Variants in LRRIQ1 observed in about 807,000 individuals in gnomAD.
LRRIQ1 encodes the protein leucine rich repeats and IQ motif containing 1, also known as leucine-rich repeat- and IQ domain-containing protein 1.
A neutral mutation model predicts 211.9 loss-of-function variants in LRRIQ1; 210 were observed. That is an observed-to-expected ratio of 0.99 (90% confidence interval 0.89 to 1.11). The LOEUF is 1.11. Among genes scored for constraint, LRRIQ1 ranks in the 50% most tolerant of loss-of-function variants. The pLI is 0.00. For missense variants in LRRIQ1, 2,136 were observed against 1,939.5 expected (o/e 1.10, Z -1.90); for synonymous variants, 699 against 650.1 (o/e 1.08, Z -1.14).
At chr12:85,081,648 A>G (rs1472336812) in intron 11 of LRRIQ1, among the ~76,000 whole-genome samples, 2 of 151,672 alleles carry the variant, frequency 1.3e-5, no homozygotes, top group East Asian at 3.9e-4. Context: ...CAAGGAAAAC[A>G]TAATGATTAT....
At chr12:85,121,899 G>C in intron 16 of LRRIQ1, 23 bp downstream of exon 16, 4 of 1,519,856 alleles carry the variant, frequency 2.6e-6, no homozygotes, top group Non-Finnish European at 3.6e-6. Context: ...TCTTCCCATT[G>C]ATGTATTTAG....
intron 15 of LRRIQ1, among the ~76,000 whole-genome samples, chr12:85,108,433 T>C (rs1398516126): frequency 6.6e-6 from 1 of 152,186 alleles, no homozygotes; most frequent in Non-Finnish European, 1.5e-5. Flanking sequence ...CGGTCTTCTA[T>C]GTATTCTTTT....
Position 85,127,955 on chromosome 12 carries a change from GACTATTTTA to G in LRRIQ1, c.4133_4141del (p.Thr1378_Leu1380del). The G allele has an allele frequency of 1.2e-6, 2 of 1,613,690 alleles. No individual in the cohort carries two copies. The highest frequency in any genetic ancestry group is 1.7e-6 in the Non-Finnish European group (2 of 1,179,756). On this transcript the variant is annotated inframe_deletion, in exon 18 of 27. Transcript: ENST00000393217. ...TGCCAAATTCTTCCATCAAGAATCAGACTATTTTAAAGAAAGGAAAAAGAGAAAATATTG... is the reference window on the plus strand; with the variant it reads ...TGCCAAATTCTTCCATCAAGAATCAGAAGAAAGGAAAAAGAGAAAATATTG...
At chr12:85,263,063 C>T (rs1235523140) in exon 2 of LRRIQ1, 2 of 987,898 alleles carry the variant, frequency 2.0e-6, no homozygotes, top group Non-Finnish European at 2.4e-6. Flanking sequence ...CCAACTAATC[C>T]TTAAGGCTTC....
At chr12:85,212,785 T>TAG (rs1231167317) in intron 24 of LRRIQ1, among the ~76,000 whole-genome samples, 2 of 148,438 alleles carry the variant, frequency 1.3e-5, no homozygotes, top group East Asian at 2.0e-4. Flanking sequence ...TTTATATATA[T>TAG]ATAGAGAGAG....
At position 85,124,170 on chromosome 12, in the gene LRRIQ1, G is replaced by T; in HGVS notation, c.3658G>T (p.Val1220Leu). Residue 1220 changes from valine to leucine, a missense_variant, in exon 17 of 27, where the codon GTA becomes TTA. Val to Leu is a conservative substitution (Grantham distance 32). Coordinates refer to ENST00000393217, the MANE Select transcript of LRRIQ1 (RefSeq NM_001079910.2). ...EYRHAHERGD[V>L]TITKKDESEA... ...CCGACATGCACACGAACGAGGGGAT[G>T]TAACTATCACCAAGAAAGATGAATC... 2 of 1,614,106 alleles carry T rather than the reference G, an allele frequency of 1.2e-6. No homozygotes were observed. Among genetic ancestry groups the T allele is most frequent in the Non-Finnish European group, 1.7e-6 (2 of 1,180,012 alleles).
intron 18 of LRRIQ1, among the ~76,000 whole-genome samples, chr12:85,134,431 A>G (rs1247192351): frequency 1.3e-5 from 2 of 152,076 alleles, no homozygotes; most frequent in African/African-American, 4.8e-5. Context: ...AGTCCCCTTT[A>G]AAATGGGAAG....
intron 21 of LRRIQ1, 74 bp downstream of exon 21, chr12:85,153,219 A>T: frequency 7.5e-7 from 1 of 1,326,232 alleles, no homozygotes. Flanking sequence ...AAAGTAGTAC[A>T]ATTATAAAAC....
intron 24 of LRRIQ1, among the ~76,000 whole-genome samples, chr12:85,175,116 A>T (rs1053090800): frequency 1.3e-5 from 2 of 152,192 alleles, no homozygotes; most frequent in Non-Finnish European, 2.9e-5. Context: ...ATTTAAGAAT[A>T]TAAAAGCATG....
chr12:85,165,568 G>C (rs546028853), intron 24 of LRRIQ1, among the ~76,000 whole-genome samples: 3 of 150,520 alleles, frequency 2.0e-5, no homozygotes, highest in South Asian at 4.2e-4. Flanking sequence ...TGCCTCCCAG[G>C]TTCAAGCAAT....
intron 15 of LRRIQ1, among the ~76,000 whole-genome samples, chr12:85,107,918 A>T (rs920251616): frequency 2.6e-5 from 4 of 152,028 alleles, no homozygotes; most frequent in Non-Finnish European, 5.9e-5. Context: ...AATCATGCTC[A>T]TGCTTTCTGG....
intron 14 of LRRIQ1, among the ~76,000 whole-genome samples, chr12:85,105,344 TC>T (rs1436292537): frequency 1.3e-5 from 2 of 152,148 alleles, no homozygotes; most frequent in Admixed American, 1.3e-4. Context: ...AGGCCTATGA[TC>T]CCTCTCAAAT....
At chr12:85,081,448 CT>C (rs57690294) in intron 11 of LRRIQ1, among the ~76,000 whole-genome samples, 41,918 of 147,620 alleles carry the variant, frequency 0.28, 6,729 homozygotes, top group African/African-American at 0.45. Flanking sequence ...TTTGGATTGG[CT>C]TTTTTTTTTG....
chr12:85,242,298 T>C (rs1163420598), intron 26 of LRRIQ1, among the ~76,000 whole-genome samples: 2 of 151,858 alleles, frequency 1.3e-5, no homozygotes, highest in Admixed American at 1.3e-4. Flanking sequence ...CAACTCTGGA[T>C]TGAAAATATT....
chr12:85,099,454 A>G (rs950786785), intron 13 of LRRIQ1, among the ~76,000 whole-genome samples: 1 of 151,858 alleles, frequency 6.6e-6, no homozygotes, highest in African/African-American at 2.4e-5. Flanking sequence ...TGTTTTCCCT[A>G]AGGATATAAA....
In LRRIQ1 at chr12:85,239,459, A is replaced by G. The variant is rs890532048; in HGVS notation, c.5017-5330A>G. On this transcript the variant is annotated intron_variant, in intron 26 of 26. Coordinates refer to ENST00000393217, the MANE Select transcript of LRRIQ1 (RefSeq NM_001079910.2). ...TGTGTTAAGATACAAGAATCTATCAATGGAAAGTATAGGGAGTCCAGAAAA... is the reference window on the plus strand; with the variant it reads ...TGTGTTAAGATACAAGAATCTATCAGTGGAAAGTATAGGGAGTCCAGAAAA... 2.1e-5 allele frequency among the ~76,000 whole-genome samples: 3 copies of G among 141,436 alleles called. No individual in the cohort carries two copies. In the East Asian group the frequency reaches 5.8e-4, roughly 27 times the overall value. The allele number at this position is 141,436 out of a possible 152,430, so 92.8% of individuals were successfully genotyped here.
At chr12:85,067,262 C>T (rs1465569600) in intron 10 of LRRIQ1, among the ~76,000 whole-genome samples, 3 of 151,834 alleles carry the variant, frequency 2.0e-5, no homozygotes, top group African/African-American at 7.2e-5. Context: ...TGCTGGTAAA[C>T]CTTTTTCATC....
Position 85,098,484 on chromosome 12 carries a change from T to G in LRRIQ1, c.3017T>G (p.Val1006Gly). 6 of 1,611,924 alleles carry G rather than the reference T, an allele frequency of 3.7e-6. No individual in the cohort carries two copies. The highest frequency in any genetic ancestry group is 5.1e-6 in the Non-Finnish European group (6 of 1,179,040). ...LDCSHNHLTD[V>G]EGVENCGLLQ... ...TGCTCCCATAATCATCTTACTGATG[T>G]AGAGGGCGTTGAAAATTGTGGATTG... Residue 1006 changes from valine to glycine, a missense_variant, in exon 12 of 27, where the codon GTA becomes GGA. Transcript: ENST00000393217.
intron 17 of LRRIQ1, chr12:85,124,950 G>A (rs1164564108): frequency 2.2e-5 from 4 of 182,180 alleles, no homozygotes; most frequent in South Asian, 1.0e-4. Context: ...AGGCCGAGGC[G>A]GGCGGATCAC....
Sources: allele counts gnomAD v4.1 joint callset (sites outside exome capture counted in the v4.1 genomes callset), GRCh38; gene constraint gnomAD v4.1.1; transcripts MANE v1.5; gene names NCBI Gene and HGNC (gene_info 2026-07-23, HGNC 2026-07-21).